Variants in DLGAP1 observed in about 807,000 individuals in gnomAD.
DLGAP1 encodes the protein disks large-associated protein 1.
A neutral mutation model predicts 90.8 loss-of-function variants in DLGAP1; 11 were observed. The ratio of observed to expected loss-of-function variants is 0.12; its 90% CI spans 0.08 to 0.20. The LOEUF is 0.20. Ranked by LOEUF, DLGAP1 falls within the 10% of genes least tolerant of loss-of-function variation. DLGAP1 has a pLI of 1.00. For synonymous variants in DLGAP1, 558 were observed against 540.7 expected (o/e 1.03, Z -0.44); for missense variants, 1,050 against 1,333.8 (o/e 0.79, Z 3.31).
At chr18:3,776,389 A>G (rs1032902028) in intron 5 of DLGAP1, among the ~76,000 whole-genome samples, 1 of 152,202 alleles carries the variant, frequency 6.6e-6, no homozygotes, top group Non-Finnish European at 1.5e-5. Context: ...AGCCCCAGTG[A>G]AATGAATCCT....
At chr18:4,206,491 G>A (rs2077723531) in intron 1 of DLGAP1, among the ~76,000 whole-genome samples, 1 of 152,108 alleles carries the variant, frequency 6.6e-6, no homozygotes. Context: ...TCCAAGATCT[G>A]AGGGTCAGTG....
intron 6 of DLGAP1, among the ~76,000 whole-genome samples, chr18:3,730,167 C>T (rs2062369026): frequency 6.6e-6 from 1 of 152,174 alleles, no homozygotes; most frequent in Non-Finnish European, 1.5e-5. Flanking sequence ...GCAGGAGGAT[C>T]ACTTCAGCCC....
intron 3 of DLGAP1, among the ~76,000 whole-genome samples, chr18:3,918,082 T>C (rs2072186984): frequency 6.6e-6 from 1 of 152,166 alleles, no homozygotes; most frequent in Admixed American, 6.5e-5. Context: ...TAGAGGATCT[T>C]ATATAGAAGG....
At chr18:3,990,561 C>A (rs1214198808) in intron 3 of DLGAP1, among the ~76,000 whole-genome samples, 2 of 150,450 alleles carry the variant, frequency 1.3e-5, no homozygotes, top group East Asian at 1.9e-4. Context: ...TGCAACACAC[C>A]AACATGGCAC....
chr18:3,815,672 A>G (rs1861419869), intron 4 of DLGAP1, among the ~76,000 whole-genome samples: 1 of 152,152 alleles, frequency 6.6e-6, no homozygotes. Context: ...AGCCATCTTC[A>G]TGACTTTCTC....
intron 1 of DLGAP1, among the ~76,000 whole-genome samples, chr18:4,177,324 C>G (rs1036278171): frequency 1.3e-5 from 2 of 150,502 alleles, no homozygotes; most frequent in African/African-American, 4.9e-5. Flanking sequence ...TAAAACTTGA[C>G]TAATACATAT....
chr18:4,265,594 GCTTT>G (rs2079101542), intron 1 of DLGAP1, among the ~76,000 whole-genome samples: 1 of 59,502 alleles, frequency 1.7e-5, no homozygotes, highest in South Asian at 5.3e-4. Flanking sequence ...TTCTTCTTTT[GCTTT>G]CTTTCCTTCC....
chr18:4,010,867 CA>C (rs1298716634), intron 2 of DLGAP1, among the ~76,000 whole-genome samples: 2 of 143,108 alleles, frequency 1.4e-5, no homozygotes, highest in Non-Finnish European at 3.1e-5. Flanking sequence ...ATCGGAAACA[CA>C]AGGATGAAAA....
intron 1 of DLGAP1, among the ~76,000 whole-genome samples, chr18:4,219,483 T>C (rs1260083582): frequency 6.6e-6 from 1 of 152,120 alleles, no homozygotes. Flanking sequence ...TAGTTTGATG[T>C]AATCCTATTT....
intron 10 of DLGAP1, among the ~76,000 whole-genome samples, chr18:3,508,905 T>C (rs1253965599): frequency 1.5e-4 from 23 of 152,042 alleles, no homozygotes; most frequent in Admixed American, 1.4e-3. Flanking sequence ...TGCATATTTC[T>C]TGGGAGCAAT....
At chr18:3,542,541 G>C (rs889506501) in intron 9 of DLGAP1, among the ~76,000 whole-genome samples, 2 of 152,118 alleles carry the variant, frequency 1.3e-5, no homozygotes, top group Non-Finnish European at 2.9e-5. Context: ...ATTTGTAAAG[G>C]CACAGATGAA....
intron 4 of DLGAP1, among the ~76,000 whole-genome samples, chr18:3,877,728 C>G (rs959485140): frequency 1.5e-4 from 23 of 152,164 alleles, no homozygotes; most frequent in Admixed American, 7.2e-4. Flanking sequence ...CGGTTTAACC[C>G]ACTAAGTATT....
rs1271924758 is a variant in DLGAP1, at chr18:3,508,552, A to T, written c.2571+18T>A. On this transcript the variant is annotated intron_variant, in intron 11 of 12. Coordinates refer to ENST00000315677, the MANE Select transcript of DLGAP1 (RefSeq NM_004746.4). ...CATGGCACTAGCAGGGAAATTGTAGAAGGAGAGTGTTACCTACCAGGTTTT... is the reference window on the plus strand; with the variant it reads ...CATGGCACTAGCAGGGAAATTGTAGTAGGAGAGTGTTACCTACCAGGTTTT... The T allele has an allele frequency of 6.3e-7, 1 of 1,583,408 alleles. No homozygotes were observed. The highest frequency in any genetic ancestry group is 1.1e-5 in the South Asian group (1 of 88,478).
chr18:4,224,045 C>G (rs576311166), intron 1 of DLGAP1, among the ~76,000 whole-genome samples: 1 of 152,184 alleles, frequency 6.6e-6, no homozygotes, highest in Non-Finnish European at 1.5e-5. Context: ...ACACTCATTC[C>G]AGGCCCTAAC....
intron 3 of DLGAP1, among the ~76,000 whole-genome samples, chr18:3,972,446 T>C (rs2073472264): frequency 6.6e-6 from 1 of 152,136 alleles, no homozygotes; most frequent in African/African-American, 2.4e-5. Context: ...CTGTCTTCAG[T>C]TATTTATATT....
intron 7 of DLGAP1, among the ~76,000 whole-genome samples, chr18:3,688,614 GACACACACAC>G (rs60415611): frequency 0.35 from 35,292 of 100,350 alleles, 5,705 homozygotes; most frequent in East Asian, 0.52. Context: ...ATTAAAAAAA[GACACACACAC>G]ACACACACAC....
intron 7 of DLGAP1, among the ~76,000 whole-genome samples, chr18:3,613,900 C>T (rs1018840006): frequency 2.6e-5 from 4 of 151,856 alleles, no homozygotes; most frequent in Admixed American, 6.6e-5. Context: ...GCAAAGAAGC[C>T]ACAGCAGCTA....
chr18:3,605,637 AAAT>A (rs1323195444), intron 7 of DLGAP1, among the ~76,000 whole-genome samples: 1 of 152,222 alleles, frequency 6.6e-6, no homozygotes, highest in Non-Finnish European at 1.5e-5. Context: ...TTAAAAATCA[AAAT>A]AATAAAACTT....
At chr18:3,777,704 G>A (rs1353095605) in intron 5 of DLGAP1, among the ~76,000 whole-genome samples, 1 of 152,176 alleles carries the variant, frequency 6.6e-6, no homozygotes, top group East Asian at 1.9e-4. Flanking sequence ...AATTCTGAAA[G>A]GGGTTCCAAA....
Sources: allele counts gnomAD v4.1 joint callset (sites outside exome capture counted in the v4.1 genomes callset), GRCh38; gene constraint gnomAD v4.1.1; transcripts MANE v1.5; gene names NCBI Gene and HGNC (gene_info 2026-07-23, HGNC 2026-07-21).